Variants in LTBP1 observed in about 807,000 individuals in gnomAD.
The protein encoded by LTBP1 is latent transforming growth factor beta binding protein 1, also known as latent-transforming growth factor beta-binding protein 1.
In LTBP1, 129 loss-of-function variants were observed where a neutral mutation model predicts 207.6. That is an observed-to-expected ratio of 0.62 (90% CI 0.54 to 0.72). The LOEUF (loss-of-function observed/expected upper bound fraction) is 0.72. Ranked by LOEUF, LTBP1 falls within the 30% of genes least tolerant of loss-of-function variation. The probability of loss-of-function intolerance (pLI) is 0.00; values close to 1 mark genes in which losing one functional copy is unlikely to be tolerated. For missense variants in LTBP1, 2,281 were observed against 2,217.2 expected (o/e 1.03, Z -0.58); for synonymous variants, 963 against 833.7 (o/e 1.16, Z -2.67).
At chr2:33,295,424 G>A (rs987274603) in intron 20 of LTBP1, among the ~76,000 whole-genome samples, 1 of 152,014 alleles carries the variant, frequency 6.6e-6, no homozygotes, top group Admixed American at 6.6e-5. Context: ...CTACTTAGGA[G>A]GCTGAGACAC....
At chr2:33,142,153 G>A (rs1247172518) in intron 5 of LTBP1, among the ~76,000 whole-genome samples, 1 of 152,044 alleles carries the variant, frequency 6.6e-6, no homozygotes, top group South Asian at 2.1e-4. Context: ...CCGGGTTCAC[G>A]CCATTCTCAT....
intron 19 of LTBP1, among the ~76,000 whole-genome samples, chr2:33,283,686 T>A (rs1279519609): frequency 6.6e-6 from 1 of 152,270 alleles, no homozygotes; most frequent in East Asian, 1.9e-4. Flanking sequence ...TCCACCCGCC[T>A]CGGCCTCCCA....
At chr2:33,288,924 T>G (rs754886244) in intron 19 of LTBP1, among the ~76,000 whole-genome samples, 1 of 152,128 alleles carries the variant, frequency 6.6e-6, no homozygotes, top group Non-Finnish European at 1.5e-5. Flanking sequence ...AGCTTCATGT[T>G]AATCTTGACA....
intron 2 of LTBP1, among the ~76,000 whole-genome samples, chr2:33,018,717 A>G (rs1688734444): frequency 6.6e-6 from 1 of 152,196 alleles, no homozygotes; most frequent in African/African-American, 2.4e-5. Context: ...AGAATTCTAG[A>G]AGCAGAGTGT....
At chr2:33,101,828 T>C (rs1010014408) in intron 3 of LTBP1, among the ~76,000 whole-genome samples, 2 of 152,190 alleles carry the variant, frequency 1.3e-5, no homozygotes, top group African/African-American at 4.8e-5. Context: ...GTTTAGTTAT[T>C]AACAATATCT....
chr2:33,053,244 T>C (rs532074428), intron 3 of LTBP1, among the ~76,000 whole-genome samples: 77 of 152,260 alleles, frequency 5.1e-4, no homozygotes, highest in African/African-American at 1.7e-3. Context: ...ACTTCCTATA[T>C]ACCCTGGCCC....
At chr2:33,063,255 C>T (rs1321756392) in intron 3 of LTBP1, 4 of 151,800 alleles carry the variant, frequency 2.6e-5, no homozygotes, top group Admixed American at 2.6e-4. Flanking sequence ...TTACAATTTG[C>T]ATTGTCTTGA....
intron 31 of LTBP1, among the ~76,000 whole-genome samples, chr2:33,381,250 A>C (rs1448287028): frequency 6.6e-6 from 1 of 152,224 alleles, no homozygotes; most frequent in African/African-American, 2.4e-5. Context: ...ATACTATTAC[A>C]GTAGTATAAA....
chr2:33,016,975 C>G (rs1688470139), intron 2 of LTBP1, among the ~76,000 whole-genome samples: 1 of 152,280 alleles, frequency 6.6e-6, no homozygotes, highest in Non-Finnish European at 1.5e-5. Flanking sequence ...CAAGATCGTG[C>G]CACTGCACTC....
At chr2:33,367,494 C>G (rs1352233849) in intron 31 of LTBP1, among the ~76,000 whole-genome samples, 1 of 152,150 alleles carries the variant, frequency 6.6e-6, no homozygotes, top group African/African-American at 2.4e-5. Context: ...TCAACCCTTA[C>G]CCCACTTCCA....
At chr2:33,003,333 C>G (rs1417530498) in intron 2 of LTBP1, among the ~76,000 whole-genome samples, 1 of 152,176 alleles carries the variant, frequency 6.6e-6, no homozygotes, top group East Asian at 1.9e-4. Flanking sequence ...TGCTTTGCTC[C>G]CCCTCCAAAT....
rs547411037 is a variant in LTBP1 at position 33,025,279 on chromosome 2, G to A, written c.863+4073G>A. ...TAAATGGAGAAATATCAAAGAATTC[G>A]TGGACATATTTAAAAATAACCATAT... On this transcript the variant is annotated intron_variant, in intron 3 of 33. Coordinates refer to ENST00000404816, the MANE Select transcript of LTBP1 (RefSeq NM_206943.4). 3.5e-4 allele frequency among the ~76,000 whole-genome samples: 53 copies of A among 152,218 alleles called. 1 individual carries two copies. In the South Asian group the frequency reaches 8.7e-3, roughly 25 times the overall value.
chr2:33,323,507 A>G lies in LTBP1; in HGVS notation c.3730+8238A>G, dbSNP rs552841976. 2.6e-4 allele frequency among the ~76,000 whole-genome samples: 40 copies of G among 152,242 alleles called. No individual in the cohort carries two copies. The South Asian group carries it at 6.6e-3, about 25-fold the overall frequency. ...CAAAAAATTACCCAGATGTGGTGGC[A>G]CACACCTATAGTCCAGCTACTTGCG... On this transcript the variant is annotated intron_variant, in intron 24 of 33. Coordinates refer to ENST00000404816, the MANE Select transcript of LTBP1 (RefSeq NM_206943.4).
chr2:33,375,276 G>C (rs990585430), intron 31 of LTBP1, among the ~76,000 whole-genome samples: 1 of 152,218 alleles, frequency 6.6e-6, no homozygotes, highest in South Asian at 2.1e-4. Context: ...ATCAAATCCA[G>C]TTCTAGGAAA....
chr2:32,948,966 T>TG, intron 2 of LTBP1, 21 bp downstream of exon 2: 1 of 1,613,758 alleles, frequency 6.2e-7, no homozygotes, highest in South Asian at 1.1e-5. Context: ...ATGTTCACAG[T>TG]GGCCCTGCAC....
intron 5 of LTBP1, among the ~76,000 whole-genome samples, chr2:33,171,823 A>G (rs1179722737): frequency 3.3e-5 from 5 of 152,334 alleles, no homozygotes; most frequent in East Asian, 3.9e-4. Flanking sequence ...CAGAAACTCT[A>G]CAAGCCAGAA....
intron 3 of LTBP1, among the ~76,000 whole-genome samples, chr2:33,078,099 CAATT>C (rs570768374): frequency 3.1e-3 from 468 of 152,256 alleles, no homozygotes; most frequent in Admixed American, 6.8e-3. Context: ...ATTTTGGAGA[CAATT>C]TATTTGTCAC....
intron 10 of LTBP1, among the ~76,000 whole-genome samples, chr2:33,246,992 A>G (rs1261109373): frequency 6.6e-6 from 1 of 152,162 alleles, no homozygotes; most frequent in Non-Finnish European, 1.5e-5. Flanking sequence ...CATCTTTGCA[A>G]TCCAAGTAGG....
intron 3 of LTBP1, among the ~76,000 whole-genome samples, chr2:33,093,395 C>G (rs2079211466): frequency 6.6e-6 from 1 of 151,900 alleles, no homozygotes; most frequent in Admixed American, 6.6e-5. Flanking sequence ...TATTTACCGC[C>G]TGGTGGAAAC....
Sources: allele counts gnomAD v4.1 joint callset (sites outside exome capture counted in the v4.1 genomes callset), GRCh38; gene constraint gnomAD v4.1.1; transcripts MANE v1.5; gene names NCBI Gene and HGNC (gene_info 2026-07-23, HGNC 2026-07-21).